ATG2A: variants seen among roughly 807,000 people sequenced by gnomAD.
ATG2A encodes the protein autophagy related 2A.
ATG2A carries 103 observed loss-of-function variants against 214.2 expected under a neutral mutation model. The ratio of observed to expected loss-of-function variants is 0.48; its 90% CI spans 0.41 to 0.57. The LOEUF is 0.57. ATG2A is among the 20% of genes least tolerant of loss of function. ATG2A has a pLI of 0.00. For missense variants in ATG2A, 2,312 were observed against 2,613.2 expected, an observed-to-expected ratio of 0.88 and a Z score of 2.51; for synonymous variants, 1,160 against 1,142.1, an observed-to-expected ratio of 1.02 and a Z score of -0.32.
At position 64,911,871 on chromosome 11, in the gene ATG2A, C is replaced by T. The variant is rs145947897; in HGVS notation, c.1199G>A (p.Arg400His). ...TGGGTGGGCCTGGGCAGAGAGCCGG[C>T]GGGAGGCCATGTCGCTGCGCACAGA... Reference protein sequence around the residue: ...ASSVRSDMASRRLSAQAHPAG... With the variant: ...ASSVRSDMASHRLSAQAHPAG... The change falls in exon 9 of 41, where the codon CGC (arginine) becomes CAC (histidine). Residue 400 changes from arginine (R) to histidine (H), a missense_variant. By Grantham distance (29) the Arg-to-His change is conservative (BLOSUM62 0). Transcript: ENST00000377264. The T allele has an allele frequency of 2.1e-5, 34 of 1,613,232 alleles. No individual in the cohort carries two copies. The highest frequency in any genetic ancestry group is 8.9e-5 in the East Asian group (4 of 44,850).
chr11:64,898,428 C>T lies in ATG2A; in HGVS notation c.4672-66G>A, dbSNP rs1359128687. The T allele has an allele frequency of 2.1e-6, 3 of 1,434,078 alleles. No homozygotes were observed. Among genetic ancestry groups the T allele is most frequent in the South Asian group, 2.6e-5 (2 of 76,560 alleles). The allele number at this position is 1,434,078 out of a possible 1,614,324, so 88.8% of individuals were successfully genotyped here. On this transcript the variant is annotated intron_variant, in intron 32 of 40. Coordinates refer to ENST00000377264, the MANE Select transcript of ATG2A (RefSeq NM_015104.3). This position sits in a 1 kb window ranked among gnomAD's most constrained non-coding sequence, Gnocchi z 4.5. ...TGGGGCAGCAGCTCACCCAGCTGTT[C>T]CCTGACAGCTCACCCAGCCACCCTG...
Position 64,907,621 on chromosome 11 carries a change from G to A in ATG2A, c.2551C>T (p.Pro851Ser), listed in dbSNP as rs1314222900. ...GGCTGGGCGGCGGGGTCGGGGGTGG[G>A]AAGCAGATCTGCAGGCTCCCACATG... ...LLMWEPADLL[P>S]TPDPAAQPSG... The change falls in exon 18 of 41, where the codon CCC becomes TCC. Residue 851 changes from proline to serine, a missense_variant. By Grantham distance (74) the Pro-to-Ser change is moderately conservative (BLOSUM62 -1). Coordinates refer to ENST00000377264, the MANE Select transcript of ATG2A (RefSeq NM_015104.3). The A allele has an allele frequency of 5.2e-6, 3 of 575,270 alleles. No homozygotes were observed. Among genetic ancestry groups the A allele is most frequent in the Non-Finnish European group, 9.9e-6 (3 of 302,864 alleles). 35.6% of individuals were successfully genotyped at this position (575,270 alleles called of 1,614,324 possible).
In ATG2A at chr11:64,912,067, G is replaced by T. The variant is rs971718118; in HGVS notation, c.1087+18C>A. The T allele has an allele frequency of 1.9e-6, 3 of 1,612,606 alleles. No homozygotes were observed. Among genetic ancestry groups the T allele is most frequent in the African/African-American group, 2.7e-5 (2 of 75,032 alleles). ...CACACTAGCTGCCCCTCCAACCACG[G>T]TCTGACCCCACACCCACCAGTGTTA... On this transcript the variant is annotated intron_variant, in intron 8 of 40. Coordinates refer to ENST00000377264, the MANE Select transcript of ATG2A (RefSeq NM_015104.3).
Position 64,896,500 on chromosome 11 carries a change from C to T in ATG2A, c.5389G>A (p.Ala1797Thr), listed in dbSNP as rs200828659. 2.0e-5 allele frequency: 32 copies of T among 1,613,850 alleles called. No individual in the cohort carries two copies. Among genetic ancestry groups the T allele is most frequent in the East Asian group, 4.5e-5 (2 of 44,882 alleles). Reference protein sequence around the residue: ...ASFGSSTASAALELSNRLVQA... With the variant: ...ASFGSSTASATLELSNRLVQA... The stretch of plus-strand genomic sequence containing the variant: ...ACCAACCGGTTGCTGAGTTCCAGGG[C>T]GGCAGAGGCTGTGGATGAGCCAAAG... The change falls in exon 39 of 41, where the codon GCC becomes ACC. Residue 1797 changes from alanine to threonine, a missense_variant. Transcript: ENST00000377264.
intron 24 of ATG2A, among the ~76,000 whole-genome samples, chr11:64,904,460 G>A (rs1418586148): frequency 6.6e-6 from 1 of 151,322 alleles, no homozygotes; most frequent in African/African-American, 2.4e-5. Context: ...CAGGAGAATC[G>A]CTTGAACCCA....
In ATG2A at chr11:64,897,834, C is replaced by A; in HGVS notation, c.4994+5G>T. 1 of 1,611,254 alleles carries A rather than the reference C, an allele frequency of 6.2e-7. No homozygotes were observed. The highest frequency in any genetic ancestry group is 2.2e-5 in the East Asian group (1 of 44,864). The stretch of plus-strand genomic sequence containing the variant: ...GGGCCCCCCACCCGCAGTCCAGCAG[C>A]CTACCTGAAGTAGATGGGCTGCTGG... On this transcript the variant is annotated splice_donor_5th_base_variant and intron_variant, in intron 35 of 40. Coordinates refer to ENST00000377264, the MANE Select transcript of ATG2A (RefSeq NM_015104.3).
intron 14 of ATG2A, 93 bp downstream of exon 14, chr11:64,909,588 C>G (rs941333612): frequency 3.3e-5 from 51 of 1,555,002 alleles, no homozygotes; most frequent in Non-Finnish European, 4.2e-5. Flanking sequence ...AGGGACTGCT[C>G]GGGTTGTGAC....
rs1332015922 is a variant in ATG2A, at chr11:64,906,532, C to T, written c.2985G>A (p.Ala995=). Reference sequence around the variant, plus strand: ...TGGGCAGCGGGTAGTCATCCACGGCCGCTGGGGAGGGGTCTCATGAGCCCC... The same window carrying T: ...TGGGCAGCGGGTAGTCATCCACGGCTGCTGGGGAGGGGTCTCATGAGCCCC... ...EAEKATLYHR[A]AVDDYPLPSH... is the part of the protein sequence containing the mutation. Residue 995 remains alanine (A), a splice_region_variant and synonymous_variant, in exon 21 of 41, where the codon GCG becomes GCA. Transcript: ENST00000377264. 6.8e-6 allele frequency: 11 copies of T among 1,612,630 alleles called. No homozygotes were observed. Among genetic ancestry groups the T allele is most frequent in the Middle Eastern group, 1.7e-4 (1 of 6,058 alleles).
At chr11:64,897,805 C>T in intron 35 of ATG2A, 34 bp downstream of exon 35, 1 of 1,613,772 alleles carries the variant, frequency 6.2e-7, no homozygotes, top group South Asian at 1.1e-5. Context: ...AGCAATCTGG[C>T]CCAGGGCCCC....
chr11:64,906,702 G>A lies in ATG2A; in HGVS notation c.2946C>T (p.Phe982=). The A allele has an allele frequency of 6.2e-7, 1 of 1,613,644 alleles. No individual in the cohort carries two copies. Among genetic ancestry groups the A allele is most frequent in the Non-Finnish European group, 8.5e-7 (1 of 1,180,018 alleles). The stretch of plus-strand genomic sequence containing the variant: ...GTGTTGCCTTTTCAGCTTCCAGACA[G>A]AAGTAGCCAAGTCCTGGCTGGCCAC... ...QYCGQPGLGY[F]CLEAEKATLY... Residue 982 remains phenylalanine, a synonymous_variant, in exon 20 of 41, where the codon TTC becomes TTT. Transcript: ENST00000377264.
intron 20 of ATG2A, 40 bp downstream of exon 20, chr11:64,906,625 A>G (rs1944562597): frequency 2.5e-6 from 4 of 1,610,588 alleles, no homozygotes; most frequent in Non-Finnish European, 3.4e-6. Flanking sequence ...TCCACCCCCA[A>G]CCCTGGACCC....
Position 64,906,424 on chromosome 11 carries a change from C to A in ATG2A, c.3093G>T (p.Arg1031=). ...CCTGGCCCTTGCGGCCCGAGGCTCC[C>A]CGCTCGGTCACCCCTTCCTCCGATG... ...IYPSEEGVTE[R]GASGRKGQGR... The change falls in exon 21 of 41, where the codon CGG becomes CGT. Residue 1031 remains arginine, a synonymous_variant. Coordinates refer to ENST00000377264, the MANE Select transcript of ATG2A (RefSeq NM_015104.3). 6.2e-7 allele frequency: 1 copy of A among 1,613,246 alleles called. No individual in the cohort carries two copies.
At position 64,903,375 on chromosome 11, in the gene ATG2A, G is replaced by A. The variant is rs753333573; in HGVS notation, c.3536-11C>T. On this transcript the variant is annotated splice_polypyrimidine_tract_variant and intron_variant, in intron 25 of 40. Coordinates refer to ENST00000377264, the MANE Select transcript of ATG2A (RefSeq NM_015104.3). This position sits in a 1 kb window ranked among gnomAD's most constrained non-coding sequence, Gnocchi z 4.2. ...AAACACAGACATAATCTGCAGCAGA[G>A]GCGAGAGAAAGGTCCTGTGGCCCCC... 12 of 1,613,862 alleles carry A rather than the reference G, an allele frequency of 7.4e-6. No individual in the cohort carries two copies. The East Asian group carries it at 2.0e-4, about 27-fold the overall frequency.
At position 64,905,553 on chromosome 11, in the gene ATG2A, G is replaced by T; in HGVS notation, c.3464+10C>A. The T allele has an allele frequency of 6.2e-7, 1 of 1,607,006 alleles. No homozygotes were observed. Among genetic ancestry groups the T allele is most frequent in the Non-Finnish European group, 8.5e-7 (1 of 1,177,066 alleles). ...GGGTGGGATGGCCCAGTGTGGGGCG[G>T]CCTGCATACCTGAGCAGGAAGGTGG... On this transcript the variant is annotated intron_variant, in intron 24 of 40. Coordinates refer to ENST00000377264, the MANE Select transcript of ATG2A (RefSeq NM_015104.3).
intron 37 of ATG2A, chr11:64,897,200 TAG>T: frequency 1.6e-6 from 1 of 637,266 alleles, no homozygotes; most frequent in East Asian, 2.9e-5. Context: ...GTATTTTTAG[TAG>T]AGACGGGGGG....
rs1267201864 is a variant in ATG2A, at chr11:64,898,528, G to T, written c.4671+108C>A. 1.4e-6 allele frequency: 2 copies of T among 1,404,160 alleles called. No individual in the cohort carries two copies. The highest frequency in any genetic ancestry group is 2.4e-5 in the East Asian group (1 of 41,844). 87.0% of individuals were successfully genotyped at this position (1,404,160 alleles called of 1,614,324 possible). A position where few individuals can be genotyped will look rare whatever the true frequency, so the allele number is the denominator to read the frequency against. ...TCTCCCAGGCTCACAAACAACCTGG[G>T]TGTTTGTGTGGGAATGCGTGTATGT... On this transcript the variant is annotated intron_variant, in intron 32 of 40. Transcript: ENST00000377264. The surrounding 1 kb of genome is among the most constrained non-coding windows in gnomAD (Gnocchi z 4.5).
rs1465780820 is a variant in ATG2A at position 64,906,179 on chromosome 11, T to C, written c.3198A>G (p.Thr1066=). The change falls in exon 22 of 41, where the codon ACA becomes ACG. Residue 1066 remains threonine, a synonymous_variant. Transcript: ENST00000377264. ...PHKNVKEFLV[T]LRLHKATLRH... ...GCAAGGTGGCTTTGTGCAACCGCAG[T>C]GTCACCAGGAACTCCTGAGGGTGGG... The C allele has an allele frequency of 6.2e-7, 1 of 1,609,708 alleles. No homozygotes were observed. The highest frequency in any genetic ancestry group is 1.7e-5 in the Admixed American group (1 of 59,328).
In ATG2A at chr11:64,905,647, T is replaced by C. The variant is rs773013755; in HGVS notation, c.3380A>G (p.Tyr1127Cys). ...FSCSVDYRPL[Y>C]LPVRVLITAE... ...GGTGATGAGGACACGCACTGGGAGG[T>C]AGAGTGGCCTGGGGGTGATACTCGG... Residue 1127 changes from tyrosine (Y) to cysteine (C), a missense_variant, in exon 24 of 41, where the codon TAC (tyrosine) becomes TGC (cysteine). Coordinates refer to ENST00000377264, the MANE Select transcript of ATG2A (RefSeq NM_015104.3). The C allele has an allele frequency of 3.1e-6, 5 of 1,613,524 alleles. No homozygotes were observed. Among genetic ancestry groups the C allele is most frequent in the Non-Finnish European group, 4.2e-6 (5 of 1,179,856 alleles).
At position 64,907,281 on chromosome 11, in the gene ATG2A, G is replaced by A; in HGVS notation, c.2806C>T (p.Arg936Trp). 2.6e-6 allele frequency: 4 copies of A among 1,529,742 alleles called. No individual in the cohort carries two copies. The highest frequency in any genetic ancestry group is 2.6e-6 in the Non-Finnish European group (3 of 1,135,922). The allele number at this position is 1,529,742 out of a possible 1,614,324, so 94.8% of individuals were successfully genotyped here. The change falls in exon 19 of 41, where the codon CGG becomes TGG. Residue 936 changes from arginine (R) to tryptophan (W), a missense_variant. By Grantham distance (101) the Arg-to-Trp change is moderately radical (BLOSUM62 -3). Transcript: ENST00000377264. ...FSTLVTVLKGRITALCETKDE... is the reference protein window; with the variant it reads ...FSTLVTVLKGWITALCETKDE... ...TTGGTCTCACAGAGGGCTGTGATCC[G>A]CCCCTTCAGCACTGTCACCAGTGTA...
Sources: gnomAD v4.1 joint callset for allele counts (sites outside exome capture counted in the v4.1 genomes callset) on GRCh38, gnomAD v4.1.1 for gene constraint, Gnocchi (gnomAD v3.1) non-coding constraint, MANE v1.5 for transcripts, NCBI Gene and HGNC (gene_info 2026-07-23, HGNC 2026-07-21) for gene names.